Variants in PTPRN2 observed in about 807,000 individuals in gnomAD.
The protein encoded by PTPRN2 is protein tyrosine phosphatase receptor type N2.
PTPRN2 carries 74 observed loss-of-function variants against 118.8 expected under a neutral mutation model. That is an observed-to-expected ratio of 0.62 (90% CI 0.52 to 0.76). PTPRN2 has a LOEUF of 0.76. PTPRN2 is among the 30% of genes least tolerant of loss of function. The probability of loss-of-function intolerance (pLI) is 0.00; values close to 1 mark genes in which losing one functional copy is unlikely to be tolerated. For synonymous variants in PTPRN2, 641 were observed against 608.0 expected (o/e 1.05, Z -0.80); for missense variants, 1,481 against 1,394.4 (o/e 1.06, Z -0.99).
chr7:157,621,159 G>A, intron 15 of PTPRN2, among the ~76,000 whole-genome samples: 1 of 149,098 alleles, frequency 6.7e-6, no homozygotes, highest in Non-Finnish European at 1.5e-5. Context: ...CCCGGTGCTG[G>A]TATGTACAGG....
chr7:157,837,174 C>T (rs1201281773), intron 12 of PTPRN2, among the ~76,000 whole-genome samples: 3 of 27,284 alleles, frequency 1.1e-4, no homozygotes, highest in South Asian at 1.2e-3. Context: ...CCTCCATCCA[C>T]CCACCCATCC....
chr7:157,649,076 A>G (rs7794805), intron 14 of PTPRN2, among the ~76,000 whole-genome samples: 42,060 of 87,008 alleles, frequency 0.48, 10,598 homozygotes, highest in East Asian at 0.57. Flanking sequence ...TCGGTGGGTC[A>G]GACCCATTCA....
At chr7:158,118,292 T>C (rs1157353293) in intron 9 of PTPRN2, among the ~76,000 whole-genome samples, 1 of 152,186 alleles carries the variant, frequency 6.6e-6, no homozygotes, top group African/African-American at 2.4e-5. Flanking sequence ...GGAGCATAAT[T>C]TTTGTATGTT....
intron 3 of PTPRN2, among the ~76,000 whole-genome samples, chr7:158,234,297 A>G (rs1025096244): frequency 5.9e-5 from 9 of 152,206 alleles, no homozygotes; most frequent in African/African-American, 2.2e-4. Context: ...CTCTAATTTA[A>G]AAATGGGCAA....
chr7:158,234,163 A>T (rs1048538202), intron 3 of PTPRN2, among the ~76,000 whole-genome samples: 4 of 152,170 alleles, frequency 2.6e-5, no homozygotes, highest in Non-Finnish European at 5.9e-5. Context: ...AGCAAAGGAA[A>T]CAAAAAAGTG....
Position 158,113,951 on chromosome 7 carries a change from G to A in PTPRN2, c.1557-3036C>T, listed in dbSNP as rs111755238. Among the ~76,000 whole-genome samples, 524 of 152,284 alleles carry A rather than the reference G, an allele frequency of 3.4e-3. 5 individuals are homozygous for A. Among genetic ancestry groups the A allele is most frequent in the African/African-American group, 0.012 (499 of 41,554 alleles). ...AAAGCCCGGTACCTCCAGGGAGACC[G>A]GTGGCCCCTACATCTGGGTACCCCT... On this transcript the variant is annotated intron_variant, in intron 9 of 22. Coordinates refer to ENST00000389418, the MANE Select transcript of PTPRN2 (RefSeq NM_002847.5).
intron 11 of PTPRN2, among the ~76,000 whole-genome samples, chr7:157,994,221 C>T (rs146356750): frequency 2.6e-5 from 4 of 152,274 alleles, no homozygotes; most frequent in African/African-American, 7.2e-5. Context: ...GCAGGTGACT[C>T]GCTCTGAGCC....
At chr7:158,328,829 C>T (rs1442992990) in intron 2 of PTPRN2, among the ~76,000 whole-genome samples, 4 of 147,536 alleles carry the variant, frequency 2.7e-5, no homozygotes, top group Non-Finnish European at 5.9e-5. Flanking sequence ...CCAGGGAGGC[C>T]TGGGACAGTA....
chr7:158,097,597 T>C (rs1176119932), intron 10 of PTPRN2, among the ~76,000 whole-genome samples: 2 of 152,022 alleles, frequency 1.3e-5, no homozygotes, highest in Non-Finnish European at 2.9e-5. Context: ...TGGGAATGTG[T>C]CTTTGGCATC....
chr7:158,226,772 G>A (rs548964670), intron 3 of PTPRN2, among the ~76,000 whole-genome samples: 62 of 151,598 alleles, frequency 4.1e-4, no homozygotes, highest in Middle Eastern at 3.4e-3. Flanking sequence ...CCCTAATCGC[G>A]TGGGAGCCTC....
chr7:157,819,035 C>T (rs1238384924), intron 12 of PTPRN2, among the ~76,000 whole-genome samples: 1 of 152,150 alleles, frequency 6.6e-6, no homozygotes, highest in Non-Finnish European at 1.5e-5. Context: ...GGCCATCAGC[C>T]CACGTGCCTG....
intron 11 of PTPRN2, among the ~76,000 whole-genome samples, chr7:158,079,551 T>C (rs771180923): frequency 1.1e-4 from 16 of 152,252 alleles, no homozygotes; most frequent in Non-Finnish European, 1.6e-4. Context: ...ATTCCTAGCA[T>C]CCTTGAGGTC....
At chr7:158,161,157 T>C (rs1173888182) in intron 6 of PTPRN2, among the ~76,000 whole-genome samples, 1 of 152,200 alleles carries the variant, frequency 6.6e-6, no homozygotes, top group Admixed American at 6.5e-5. Context: ...CAACTTGATC[T>C]ATGGATTTAA....
chr7:157,796,860 A>T (rs1804899932), intron 12 of PTPRN2, among the ~76,000 whole-genome samples: 1 of 152,190 alleles, frequency 6.6e-6, no homozygotes, highest in Non-Finnish European at 1.5e-5. Context: ...GTGCAAAACC[A>T]TTCAAAAATC....
intron 10 of PTPRN2, among the ~76,000 whole-genome samples, chr7:158,100,126 T>G (rs1023439437): frequency 6.6e-6 from 1 of 152,006 alleles, no homozygotes; most frequent in Admixed American, 6.5e-5. Context: ...TGAGAACATA[T>G]GATGTTTGGT....
At chr7:157,725,724 A>C (rs1450507418) in intron 12 of PTPRN2, among the ~76,000 whole-genome samples, 2 of 46,074 alleles carry the variant, frequency 4.3e-5, no homozygotes, top group Non-Finnish European at 4.2e-5. Context: ...CAGAGGAGTG[A>C]GCCAGACCCT....
intron 11 of PTPRN2, among the ~76,000 whole-genome samples, chr7:157,963,530 C>G (rs1801687526): frequency 6.6e-6 from 1 of 152,266 alleles, no homozygotes; most frequent in African/African-American, 2.4e-5. Context: ...AGTTGCTAAC[C>G]AGCCCATCAG....
intron 10 of PTPRN2, among the ~76,000 whole-genome samples, chr7:158,096,035 TG>T (rs1814601446): frequency 6.6e-6 from 1 of 152,246 alleles, no homozygotes. Flanking sequence ...GAGAAAAGAA[TG>T]GGTTCTTCTT....
chr7:157,983,871 C>A (rs944302005), intron 11 of PTPRN2, among the ~76,000 whole-genome samples: 1 of 152,208 alleles, frequency 6.6e-6, no homozygotes, highest in Non-Finnish European at 1.5e-5. Context: ...GCCAACAGCG[C>A]TAGTGTCCTG....
Sources: allele counts gnomAD v4.1 joint callset (sites outside exome capture counted in the v4.1 genomes callset), GRCh38; gene constraint gnomAD v4.1.1; transcripts MANE v1.5; gene names NCBI Gene and HGNC (gene_info 2026-07-23, HGNC 2026-07-21).